PIP4K2A: variants seen among roughly 807,000 people sequenced by gnomAD.
PIP4K2A encodes the protein phosphatidylinositol 5-phosphate 4-kinase type-2 alpha.
PIP4K2A carries 14 observed loss-of-function variants against 42.9 expected under a neutral mutation model. That is an observed-to-expected ratio of 0.33 (90% CI 0.22 to 0.51). PIP4K2A has a LOEUF of 0.51. Among genes scored for constraint, PIP4K2A ranks in the 20% least tolerant of loss-of-function variants. The pLI is 0.97. For missense variants in PIP4K2A, 434 were observed against 519.8 expected (o/e 0.83, Z 1.61); for synonymous variants, 192 against 192.2 (o/e 1.00, Z 0.01).
intron 1 of PIP4K2A, among the ~76,000 whole-genome samples, chr10:22,648,111 T>C (rs1329094251): frequency 6.6e-6 from 1 of 152,218 alleles, no homozygotes; most frequent in Admixed American, 6.5e-5. Flanking sequence ...CTTATCTTCC[T>C]TCCAGTCTCT....
At chr10:22,667,871 GT>G in intron 1 of PIP4K2A, among the ~76,000 whole-genome samples, 1 of 56,682 alleles carries the variant, frequency 1.8e-5, no homozygotes, top group Non-Finnish European at 3.9e-5. Flanking sequence ...ACTTCTGTGT[GT>G]GTGTGTGTGT....
intron 6 of PIP4K2A, among the ~76,000 whole-genome samples, chr10:22,562,782 T>G (rs1588627574): frequency 1.3e-5 from 2 of 152,132 alleles, no homozygotes; most frequent in Non-Finnish European, 2.9e-5. Context: ...CTGACCGTCC[T>G]TCCAGGGAGG....
intron 1 of PIP4K2A, among the ~76,000 whole-genome samples, chr10:22,663,868 C>G (rs1048044161): frequency 6.6e-6 from 1 of 150,966 alleles, no homozygotes; most frequent in South Asian, 2.1e-4. Flanking sequence ...ATTTTCCCCC[C>G]ATTTTGGCCA....
intron 1 of PIP4K2A, among the ~76,000 whole-genome samples, chr10:22,632,974 C>T (rs901784753): frequency 1.2e-4 from 19 of 152,154 alleles, no homozygotes; most frequent in African/African-American, 4.3e-4. Context: ...CATAACAATA[C>T]ATCACTAAGG....
intron 1 of PIP4K2A, 195 bp downstream of exon 1, chr10:22,713,988 A>C: frequency 3.9e-6 from 2 of 518,824 alleles, no homozygotes; most frequent in Non-Finnish European, 3.4e-6. Flanking sequence ...AGGGGACGCA[A>C]GTGGTGGTGC....
intron 1 of PIP4K2A, among the ~76,000 whole-genome samples, chr10:22,710,413 A>G (rs7096651): frequency 0.044 from 6,701 of 152,312 alleles, 430 homozygotes; most frequent in African/African-American, 0.14. Flanking sequence ...ACGGCCACAA[A>G]TGACCAAGGC....
chr10:22,620,465 G>A (rs1165725758), intron 1 of PIP4K2A, among the ~76,000 whole-genome samples: 1 of 152,240 alleles, frequency 6.6e-6, no homozygotes, highest in Non-Finnish European at 1.5e-5. Flanking sequence ...CTCTGGCCTT[G>A]AGCAAAGTGC....
chr10:22,573,403 G>A lies in PIP4K2A; in HGVS notation c.547C>T (p.Arg183Trp), dbSNP rs781130866. Residue 183 changes from arginine to tryptophan, a missense_variant, in exon 5 of 10, where the codon CGG becomes TGG. Transcript: ENST00000376573. The part of the protein sequence containing the change: ...TLLPQFLGMY[R>W]LNVDGVEIYV... ...ATTTCAACTCCATCAACATTAAGCCGGTACATGCCCAAGAACTGGGGAAGA... is the reference window on the plus strand; with the variant it reads ...ATTTCAACTCCATCAACATTAAGCCAGTACATGCCCAAGAACTGGGGAAGA... The A allele has an allele frequency of 1.9e-6, 3 of 1,613,396 alleles. No individual in the cohort carries two copies. Among genetic ancestry groups the A allele is most frequent in the Admixed American group, 1.7e-5 (1 of 60,006 alleles).
At position 22,541,638 on chromosome 10, in the gene PIP4K2A, C is replaced by T. The variant is rs185551672; in HGVS notation, c.1036+166G>A. Among the ~76,000 whole-genome samples the T allele has an allele frequency of 9.2e-5, 14 of 152,266 alleles. No homozygotes were observed. The East Asian group carries it at 1.4e-3, about 15-fold the overall frequency. On this transcript the variant is annotated intron_variant, in intron 8 of 9. Coordinates refer to ENST00000376573, the MANE Select transcript of PIP4K2A (RefSeq NM_005028.5). ...GCCTTATGTTTCAGCACTGAGATCA[C>T]GGTTAGCTTTAACATACTCTTGTCC... is the stretch of plus-strand genomic sequence containing the variant.
At chr10:22,713,330 A>T (rs1452578210) in intron 1 of PIP4K2A, among the ~76,000 whole-genome samples, 1 of 152,028 alleles carries the variant, frequency 6.6e-6, no homozygotes, top group Non-Finnish European at 1.5e-5. Flanking sequence ...CACCCCCCAC[A>T]GCGGGTGCGG....
intron 1 of PIP4K2A, among the ~76,000 whole-genome samples, chr10:22,646,849 T>G (rs1334248679): frequency 1.3e-5 from 2 of 152,180 alleles, no homozygotes; most frequent in Non-Finnish European, 2.9e-5. Context: ...ATCCTTTTCC[T>G]TAATTACTAC....
intron 1 of PIP4K2A, among the ~76,000 whole-genome samples, chr10:22,642,457 T>C (rs1453140651): frequency 6.6e-6 from 1 of 152,122 alleles, no homozygotes; most frequent in Non-Finnish European, 1.5e-5. Context: ...TTTATTAAGA[T>C]AAATAATTAA....
chr10:22,640,955 G>A (rs1268275203), intron 1 of PIP4K2A, among the ~76,000 whole-genome samples: 2 of 151,672 alleles, frequency 1.3e-5, no homozygotes, highest in African/African-American at 4.9e-5. Context: ...AAATATTTGG[G>A]AGAAATATAA....
At chr10:22,565,532 T>C (rs1448841889) in intron 6 of PIP4K2A, among the ~76,000 whole-genome samples, 1 of 152,212 alleles carries the variant, frequency 6.6e-6, no homozygotes, top group Admixed American at 6.5e-5. Flanking sequence ...CTTAATCCTG[T>C]CAGCTGAGGA....
Position 22,587,461 on chromosome 10 carries a change from G to A in PIP4K2A, c.492+4168C>T, listed in dbSNP as rs1202574957. ...GAAATGATGATCACTACTGAAGCTA[G>A]AGAGAGAAAGTTTCTTAGATACAAA... On this transcript the variant is annotated intron_variant, in intron 4 of 9. Transcript: ENST00000376573. 2.0e-5 allele frequency among the ~76,000 whole-genome samples: 3 copies of A among 152,226 alleles called. No individual in the cohort carries two copies. In the East Asian group the frequency reaches 5.8e-4, roughly 29 times the overall value.
chr10:22,628,413 C>G (rs1441667354), intron 1 of PIP4K2A, among the ~76,000 whole-genome samples: 1 of 152,098 alleles, frequency 6.6e-6, no homozygotes, highest in Non-Finnish European at 1.5e-5. Context: ...AAATTGTACC[C>G]TAAATGCTTT....
rs1298138960 is a variant in PIP4K2A, at chr10:22,550,527, G to C, written c.792+132C>G. ...TGTAACATGAGACACCTTCATGTCT[G>C]ACTTCCCTAAGGTAGAGTATGCAGG... On this transcript the variant is annotated intron_variant, in intron 7 of 9. Coordinates refer to ENST00000376573, the MANE Select transcript of PIP4K2A (RefSeq NM_005028.5). The C allele has an allele frequency of 4.4e-6, 3 of 683,756 alleles. No homozygotes were observed. The African/African-American group carries it at 5.4e-5, about 12-fold the overall frequency. 42.4% of individuals were successfully genotyped at this position (683,756 alleles called of 1,614,324 possible).
Position 22,535,837 on chromosome 10 carries a change from G to A in PIP4K2A, c.*1364C>T, listed in dbSNP as rs954493424. 31 of 321,074 alleles carry A rather than the reference G, an allele frequency of 9.7e-5. No homozygotes were observed. Among genetic ancestry groups the A allele is most frequent in the South Asian group, 4.8e-4 (3 of 6,312 alleles). 19.9% of individuals were successfully genotyped at this position (321,074 alleles called of 1,614,324 possible). The stretch of plus-strand genomic sequence containing the variant: ...GAACTTTCATAAACCAGACTGGGGC[G>A]AAATCTCTTTTTAAAAAAATCAATC... On this transcript the variant is annotated 3_prime_UTR_variant, in exon 10 of 10. Transcript: ENST00000376573.
intron 6 of PIP4K2A, among the ~76,000 whole-genome samples, chr10:22,559,465 T>C (rs901396326): frequency 1.3e-5 from 2 of 152,180 alleles, no homozygotes; most frequent in African/African-American, 4.8e-5. Context: ...GCCTTGAGGA[T>C]TTTAATGCTG....
Sources: gnomAD v4.1 joint callset for allele counts (sites outside exome capture counted in the v4.1 genomes callset) on GRCh38, gnomAD v4.1.1 for gene constraint, MANE v1.5 for transcripts, NCBI Gene and HGNC (gene_info 2026-07-23, HGNC 2026-07-21) for gene names.